Variants in KCNQ1 observed in about 807,000 individuals in gnomAD.
KCNQ1 encodes potassium voltage-gated channel subfamily Q member 1.
Under a neutral mutation model 72.4 loss-of-function variants are expected in KCNQ1, and 49 were observed. The observed-to-expected ratio is 0.68, with a 90% CI of 0.54 to 0.86. KCNQ1 has a LOEUF of 0.86. KCNQ1 is among the 40% of genes least tolerant of loss of function. KCNQ1 has a pLI of 0.00. For missense variants in KCNQ1, 790 were observed against 945.1 expected, an observed-to-expected ratio of 0.84 and a Z score of 2.15; for synonymous variants, 450 against 412.6, an observed-to-expected ratio of 1.09 and a Z score of -1.10.
intron 6 of KCNQ1, among the ~76,000 whole-genome samples, chr11:2,573,893 C>T (rs901949831): frequency 6.6e-6 from 1 of 152,206 alleles, no homozygotes; most frequent in Non-Finnish European, 1.5e-5. Flanking sequence ...GCTGCAGGCT[C>T]CCCAAGTCCC....
chr11:2,556,407 A>G (rs1848071311), intron 2 of KCNQ1, among the ~76,000 whole-genome samples: 2 of 152,140 alleles, frequency 1.3e-5, no homozygotes, highest in East Asian at 1.9e-4. Context: ...CTTTAATCCA[A>G]GGGTCCGTAA....
intron 6 of KCNQ1, among the ~76,000 whole-genome samples, chr11:2,580,272 GCCCAGGCCTCTTGGT>G (rs1175835781): frequency 2.0e-5 from 3 of 151,926 alleles, no homozygotes. Context: ...AGGCAGCCGT[GCCCAGGCCTCTTGGT>G]CTCAGGGCCC....
chr11:2,777,923 TC>T, intron 14 of KCNQ1, 52 bp from the exon 15 acceptor site: 2 of 1,571,374 alleles, frequency 1.3e-6, no homozygotes, highest in Admixed American at 1.7e-5. Flanking sequence ...CCAGCTGGGG[TC>T]CCCGGCCCAC....
Position 2,544,935 on chromosome 11 carries a change from C to T in KCNQ1, c.477+16917C>T, listed in dbSNP as rs1052278404. ...AAGGGTGATGTTGGCTCTGGGTTTCCATAGATGTCTTTACCAGGTTAAGGA... is the reference window on the plus strand; with the variant it reads ...AAGGGTGATGTTGGCTCTGGGTTTCTATAGATGTCTTTACCAGGTTAAGGA... On this transcript the variant is annotated intron_variant, in intron 2 of 15. Coordinates refer to ENST00000155840, the MANE Select transcript of KCNQ1 (RefSeq NM_000218.3). The surrounding 1 kb of genome is among the most constrained non-coding windows in gnomAD (Gnocchi z 4.4). 6.6e-6 allele frequency among the ~76,000 whole-genome samples: 1 copy of T among 152,216 alleles called. No individual in the cohort carries two copies. Among genetic ancestry groups the T allele is most frequent in the Admixed American group, 6.5e-5 (1 of 15,286 alleles).
chr11:2,776,876 G>C, intron 13 of KCNQ1, 110 bp from the exon 14 acceptor site: 1 of 1,087,608 alleles, frequency 9.2e-7, no homozygotes, highest in Non-Finnish European at 1.4e-6. Flanking sequence ...AGAGTGGGTG[G>C]ACAGTCCACT....
Position 2,662,765 on chromosome 11 carries a change from G to A in KCNQ1, c.1514+684G>A, listed in dbSNP as rs75536236. On this transcript the variant is annotated intron_variant, in intron 11 of 15. Transcript: ENST00000155840. ...GTCCCATTCTGGCTGCTAACCCGTT[G>A]GGGATTCCCCTTGATAAATGTCTTT... The A allele has an allele frequency of 3.8e-3, 1,535 of 399,306 alleles. 23 individuals carry two copies. The highest frequency in any genetic ancestry group is 0.028 in the African/African-American group (1,348 of 48,778). The allele number at this position is 399,306 out of a possible 1,614,324, so 24.7% of individuals were successfully genotyped here. A position where few individuals can be genotyped will look rare whatever the true frequency, so the allele number is the denominator to read the frequency against.
rs1440916472 is a variant in KCNQ1 at position 2,746,944 on chromosome 11, C to T, written c.1515-21900C>T. ...TCTGCCTGGATCAAAGCCATGGCCCCCATTCCCCGGGGATAGGGAAGCTGT... is the reference window on the plus strand; with the variant it reads ...TCTGCCTGGATCAAAGCCATGGCCCTCATTCCCCGGGGATAGGGAAGCTGT... On this transcript the variant is annotated intron_variant, in intron 11 of 15. Transcript: ENST00000155840. The surrounding 1 kb of genome is among the most constrained non-coding windows in gnomAD (Gnocchi z 5.9). Among the ~76,000 whole-genome samples, 1 of 152,218 alleles carries T rather than the reference C, an allele frequency of 6.6e-6. No homozygotes were observed. The highest frequency in any genetic ancestry group is 1.5e-5 in the Non-Finnish European group (1 of 68,030).
In KCNQ1 at chr11:2,645,794, G is replaced by C. The variant is rs537119458; in HGVS notation, c.1394-16167G>C. The C allele has an allele frequency of 7.5e-6, 3 of 398,602 alleles. No homozygotes were observed. The highest frequency in any genetic ancestry group is 1.3e-5 in the Non-Finnish European group (3 of 226,184). 24.7% of individuals were successfully genotyped at this position (398,602 alleles called of 1,614,324 possible). ...GGGCCCACAGCAGATGCAGTCTGGT[G>C]GGGGTTGGGCTATCAAAATGGGACT... On this transcript the variant is annotated intron_variant, in intron 10 of 15. Transcript: ENST00000155840. This position sits in a 1 kb window ranked among gnomAD's most constrained non-coding sequence, Gnocchi z 5.8.
chr11:2,648,689 A>G (rs1849705218), intron 10 of KCNQ1: 1 of 398,424 alleles, frequency 2.5e-6, no homozygotes, highest in African/African-American at 2.1e-5. Context: ...TTTGTGTCCT[A>G]ACATATGGTA....
At chr11:2,523,181 T>G (rs1847420080) in intron 1 of KCNQ1, among the ~76,000 whole-genome samples, 1 of 150,756 alleles carries the variant, frequency 6.6e-6, no homozygotes, top group Non-Finnish European at 1.5e-5. Flanking sequence ...CACTGCTTTC[T>G]TTTTTAATTT....
rs1850865043 is a variant in KCNQ1 at position 2,704,010 on chromosome 11, C to G, written c.1514+41929C>G. On this transcript the variant is annotated intron_variant, in intron 11 of 15. Coordinates refer to ENST00000155840, the MANE Select transcript of KCNQ1 (RefSeq NM_000218.3). This position sits in a 1 kb window ranked among gnomAD's most constrained non-coding sequence, Gnocchi z 4.3. Reference sequence around the variant, plus strand: ...GGTGGTTAGGACCTCAGGGTTATCCCTGAGTGGCTGATGCATTGCCAGGAA... The same window carrying G: ...GGTGGTTAGGACCTCAGGGTTATCCGTGAGTGGCTGATGCATTGCCAGGAA... Among the ~76,000 whole-genome samples the G allele has an allele frequency of 6.6e-6, 1 of 152,230 alleles. No individual in the cohort carries two copies. Among genetic ancestry groups the G allele is most frequent in the Non-Finnish European group, 1.5e-5 (1 of 68,034 alleles).
intron 1 of KCNQ1, among the ~76,000 whole-genome samples, chr11:2,522,547 G>C (rs1024218976): frequency 6.6e-6 from 1 of 152,232 alleles, no homozygotes; most frequent in Non-Finnish European, 1.5e-5. Context: ...CTCCGCCCGA[G>C]ACAAGAATAG....
In KCNQ1 at chr11:2,547,723, A is replaced by G. The variant is rs562754637; in HGVS notation, c.477+19705A>G. Among the ~76,000 whole-genome samples the G allele has an allele frequency of 5.3e-5, 8 of 152,102 alleles. No homozygotes were observed. The highest frequency in any genetic ancestry group is 3.4e-3 in the Middle Eastern group (1 of 294). ...TCTTTTATAAGTTCAGACCCCCACA[A>G]CCTTGGGTGGACTACTGACTACTTC... On this transcript the variant is annotated intron_variant, in intron 2 of 15. Coordinates refer to ENST00000155840, the MANE Select transcript of KCNQ1 (RefSeq NM_000218.3). This position sits in a 1 kb window ranked among gnomAD's most constrained non-coding sequence, Gnocchi z 4.2.
intron 2 of KCNQ1, among the ~76,000 whole-genome samples, chr11:2,545,006 G>T (rs1259111753): frequency 1.3e-5 from 2 of 152,204 alleles, no homozygotes; most frequent in African/African-American, 4.8e-5. Flanking sequence ...ATATGAATGG[G>T]TGTTAAATTT....
At chr11:2,454,518 G>A (rs1265130393) in intron 1 of KCNQ1, among the ~76,000 whole-genome samples, 7 of 152,166 alleles carry the variant, frequency 4.6e-5, no homozygotes, top group Non-Finnish European at 1.5e-5. Context: ...GCTGCATGCA[G>A]TGGCCACATA....
At chr11:2,534,294 C>T (rs1325494679) in intron 2 of KCNQ1, among the ~76,000 whole-genome samples, 2 of 152,256 alleles carry the variant, frequency 1.3e-5, no homozygotes, top group Non-Finnish European at 2.9e-5. Context: ...TGTTTTTCAC[C>T]TGGGACCCGC....
chr11:2,581,696 C>T (rs191127219), intron 6 of KCNQ1, among the ~76,000 whole-genome samples: 40 of 152,376 alleles, frequency 2.6e-4, no homozygotes, highest in African/African-American at 7.5e-4. Context: ...GACGCACGTG[C>T]GTGTGCCGGG....
At position 2,484,749 on chromosome 11, in the gene KCNQ1, C is replaced by T. The variant is rs1043690699; in HGVS notation, c.386+39265C>T. Among the ~76,000 whole-genome samples the T allele has an allele frequency of 1.1e-4, 17 of 152,184 alleles. No homozygotes were observed. Among genetic ancestry groups the T allele is most frequent in the African/African-American group, 2.2e-4 (9 of 41,442 alleles). On this transcript the variant is annotated intron_variant, in intron 1 of 15. Coordinates refer to ENST00000155840, the MANE Select transcript of KCNQ1 (RefSeq NM_000218.3). This position sits in a 1 kb window ranked among gnomAD's most constrained non-coding sequence, Gnocchi z 5.2. Reference sequence around the variant, plus strand: ...GTGGACCTGCTGCTCTGCGCCCACTCGGCCGACGGAGCTGGGGAATATGTG... The same window carrying T: ...GTGGACCTGCTGCTCTGCGCCCACTTGGCCGACGGAGCTGGGGAATATGTG...
chr11:2,663,610 C>A lies in KCNQ1; in HGVS notation c.1514+1529C>A. On this transcript the variant is annotated intron_variant, in intron 11 of 15. Coordinates refer to ENST00000155840, the MANE Select transcript of KCNQ1 (RefSeq NM_000218.3). This position sits in a 1 kb window ranked among gnomAD's most constrained non-coding sequence, Gnocchi z 5.2. The stretch of plus-strand genomic sequence containing the variant: ...TCTCGCTCACCTTGGTTCTCTTGGT[C>A]ACGGACCAGCATCCAGACATGCAAA... The A allele has an allele frequency of 2.5e-6, 1 of 398,586 alleles. No individual in the cohort carries two copies. The highest frequency in any genetic ancestry group is 1.3e-4 in the South Asian group (1 of 7,734). The allele number at this position is 398,586 out of a possible 1,614,324, so 24.7% of individuals were successfully genotyped here. A position where few individuals can be genotyped will look rare whatever the true frequency, so the allele number is the denominator to read the frequency against.
Sources: gnomAD v4.1 joint callset for allele counts (sites outside exome capture counted in the v4.1 genomes callset) on GRCh38, gnomAD v4.1.1 for gene constraint, Gnocchi (gnomAD v3.1) non-coding constraint, MANE v1.5 for transcripts, NCBI Gene and HGNC (gene_info 2026-07-23, HGNC 2026-07-21) for gene names.